The following ATP8A2 variants were observed in gnomAD, a reference collection of about 807,000 sequenced individuals.
ATP8A2 encodes ATPase phospholipid transporting 8A2.
In ATP8A2, 100 loss-of-function variants were observed where a neutral mutation model predicts 165.6. The ratio of observed to expected loss-of-function variants is 0.60; its 90% CI spans 0.51 to 0.71. ATP8A2 has a LOEUF of 0.71. Ranked by LOEUF, ATP8A2 falls within the 30% of genes least tolerant of loss-of-function variation. The pLI, the probability that ATP8A2 is intolerant of heterozygous loss-of-function variation, is 0.00. For synonymous variants in ATP8A2, 543 were observed against 548.8 expected (o/e 0.99, Z 0.15); for missense variants, 1,227 against 1,479.5 (o/e 0.83, Z 2.80).
At chr13:25,570,975 G>A (rs2039451063) in intron 17 of ATP8A2, 103 bp downstream of exon 17, 2 of 813,870 alleles carry the variant, frequency 2.5e-6, no homozygotes, top group African/African-American at 1.7e-5. Context: ...CCACAGACTC[G>A]GCTGTCTGCT....
At chr13:25,377,683 T>A (rs548805920) in intron 1 of ATP8A2, among the ~76,000 whole-genome samples, 2 of 151,902 alleles carry the variant, frequency 1.3e-5, no homozygotes, top group East Asian at 3.9e-4. Flanking sequence ...TCCCTGTAAC[T>A]CGGCAGGCTG....
intron 4 of ATP8A2, among the ~76,000 whole-genome samples, chr13:25,531,273 T>TATATG (rs1181983707): frequency 0.028 from 1,556 of 54,802 alleles, 63 homozygotes; most frequent in African/African-American, 0.077. Context: ...ATATATATGA[T>TATATG]ATATATGTTA....
intron 25 of ATP8A2, among the ~76,000 whole-genome samples, chr13:25,741,363 T>C (rs1184662636): frequency 6.6e-6 from 1 of 152,060 alleles, no homozygotes; most frequent in African/African-American, 2.4e-5. Flanking sequence ...AAACATACAC[T>C]CGAGCAACAT....
chr13:25,594,500 T>G (rs988637020), intron 24 of ATP8A2, among the ~76,000 whole-genome samples: 2 of 152,062 alleles, frequency 1.3e-5, no homozygotes, highest in African/African-American at 4.8e-5. Context: ...TAGCGGTGGT[T>G]CGTGAGATTT....
chr13:25,467,878 A>G lies in ATP8A2; in HGVS notation c.77-1099A>G, dbSNP rs115639130. ...GATGTCAGTTTTTTAATGGTGTGCAACGTCCGTTTCTTTGATAGTTGGAAA... is the reference window on the plus strand; with the variant it reads ...GATGTCAGTTTTTTAATGGTGTGCAGCGTCCGTTTCTTTGATAGTTGGAAA... On this transcript the variant is annotated intron_variant, in intron 1 of 36. Coordinates refer to ENST00000381655, the MANE Select transcript of ATP8A2 (RefSeq NM_016529.6). Among the ~76,000 whole-genome samples, 1,152 of 152,248 alleles carry G rather than the reference A, an allele frequency of 7.6e-3. 13 individuals are homozygous for G. Among genetic ancestry groups the G allele is most frequent in the African/African-American group, 0.024 (1,010 of 41,536 alleles).
chr13:25,860,227 T>C lies in ATP8A2; in HGVS notation c.2989T>C (p.Tyr997His). 6.2e-7 allele frequency: 1 copy of C among 1,612,228 alleles called. No homozygotes were observed. The highest frequency in any genetic ancestry group is 8.5e-7 in the Non-Finnish European group (1 of 1,178,504). Reference sequence around the variant, plus strand: ...GTTGACAAGTGGTCATGCTACCGACTATTTATTTGTTGGAAATATTGTTTA... The same window carrying C: ...GTTGACAAGTGGTCATGCTACCGACCATTTATTTGTTGGAAATATTGTTTA... ...TVLTSGHATD[Y>H]LFVGNIVYTY... Residue 997 changes from tyrosine to histidine, a missense_variant, in exon 31 of 37, where the codon TAT becomes CAT. Physicochemically the swap from Tyr to His is moderately conservative, Grantham distance 83 (BLOSUM62 2). Transcript: ENST00000381655.
intron 33 of ATP8A2, among the ~76,000 whole-genome samples, chr13:25,905,758 T>C (rs1433516861): frequency 6.6e-6 from 1 of 151,806 alleles, no homozygotes; most frequent in African/African-American, 2.4e-5. Flanking sequence ...GACAGGGCGT[T>C]GGTTCCTGTG....
At chr13:26,016,852 C>T (rs752997264) in intron 36 of ATP8A2, among the ~76,000 whole-genome samples, 8 of 152,116 alleles carry the variant, frequency 5.3e-5, no homozygotes, top group Non-Finnish European at 1.2e-4. Flanking sequence ...TCCTGGAGCC[C>T]ATAGAGAGGA....
chr13:25,979,027 C>A (rs943818738), intron 35 of ATP8A2, among the ~76,000 whole-genome samples: 1 of 151,418 alleles, frequency 6.6e-6, no homozygotes, highest in African/African-American at 2.4e-5. Context: ...AGCATGTCCT[C>A]CCAGGCCCCT....
chr13:25,743,937 G>T (rs2138160525), intron 25 of ATP8A2, among the ~76,000 whole-genome samples: 1 of 152,248 alleles, frequency 6.6e-6, no homozygotes, highest in Admixed American at 6.5e-5. Context: ...TATAAGAAAA[G>T]CTCCAAAATG....
At chr13:25,883,700 C>T (rs1481336368) in intron 33 of ATP8A2, among the ~76,000 whole-genome samples, 6 of 152,206 alleles carry the variant, frequency 3.9e-5, no homozygotes, top group Non-Finnish European at 1.5e-5. Flanking sequence ...TGGCTTCTCC[C>T]AGCTTCTTGT....
At chr13:25,730,014 G>C (rs1477831109) in intron 25 of ATP8A2, among the ~76,000 whole-genome samples, 1 of 152,180 alleles carries the variant, frequency 6.6e-6, no homozygotes, top group East Asian at 1.9e-4. Context: ...AAAGCAGCCT[G>C]GCGCAGTTGT....
chr13:25,987,621 G>A (rs1956299762), intron 35 of ATP8A2, among the ~76,000 whole-genome samples: 1 of 152,214 alleles, frequency 6.6e-6, no homozygotes, highest in African/African-American at 2.4e-5. Flanking sequence ...GGCCCAGAGA[G>A]GATCCAAGAT....
At chr13:25,505,204 G>GT (rs912325655) in intron 2 of ATP8A2, among the ~76,000 whole-genome samples, 1 of 139,898 alleles carries the variant, frequency 7.1e-6, no homozygotes. Context: ...CGGCGGGGCG[G>GT]GGGGGGGTGG....
chr13:25,531,501 G>T (rs1382438752), intron 4 of ATP8A2, among the ~76,000 whole-genome samples: 1 of 148,612 alleles, frequency 6.7e-6, no homozygotes, highest in African/African-American at 2.5e-5. Flanking sequence ...CTGTCTCTCT[G>T]TCTCTGGATC....
chr13:25,529,261 G>T (rs957829630), intron 2 of ATP8A2, among the ~76,000 whole-genome samples: 2 of 152,134 alleles, frequency 1.3e-5, no homozygotes, highest in Admixed American at 6.6e-5. Context: ...AGCTGGTTTG[G>T]TTAATTTTGC....
Position 26,020,159 on chromosome 13 carries a change from A to C in ATP8A2, c.*174A>C. The C allele has an allele frequency of 1.6e-6, 1 of 609,478 alleles. No homozygotes were observed. The highest frequency in any genetic ancestry group is 2.9e-6 in the Non-Finnish European group (1 of 343,812). The allele number at this position is 609,478 out of a possible 1,614,324, so 37.8% of individuals were successfully genotyped here. ...ATATTCCCTCGCAAACCTGGAGTGCAGACCACAGGGGAAGCTATCTTTGCC... is the reference window on the plus strand; with the variant it reads ...ATATTCCCTCGCAAACCTGGAGTGCCGACCACAGGGGAAGCTATCTTTGCC... On this transcript the variant is annotated 3_prime_UTR_variant, in exon 37 of 37. Coordinates refer to ENST00000381655, the MANE Select transcript of ATP8A2 (RefSeq NM_016529.6).
At chr13:25,970,668 T>C (rs1203351896) in intron 35 of ATP8A2, among the ~76,000 whole-genome samples, 2 of 152,298 alleles carry the variant, frequency 1.3e-5, no homozygotes, top group South Asian at 2.1e-4. Flanking sequence ...TCGTGAAATA[T>C]GTACAACGCA....
intron 1 of ATP8A2, among the ~76,000 whole-genome samples, chr13:25,386,267 A>C (rs11842091): frequency 0.06 from 9,079 of 152,156 alleles, 756 homozygotes; most frequent in African/African-American, 0.19. Flanking sequence ...CGGTGAGTGC[A>C]TGGGAGAATT....
Sources: allele counts gnomAD v4.1 joint callset (sites outside exome capture counted in the v4.1 genomes callset), GRCh38; gene constraint gnomAD v4.1.1; transcripts MANE v1.5; gene names NCBI Gene and HGNC (gene_info 2026-07-23, HGNC 2026-07-21).